The following INHBA variants were observed in gnomAD, a reference collection of about 807,000 sequenced individuals.
The protein encoded by INHBA is inhibin subunit beta A, also known as inhibin beta A chain.
Under a neutral mutation model 29.0 loss-of-function variants are expected in INHBA, and 1 was observed. The observed-to-expected ratio is 0.03, with a 90% CI of 0.01 to 0.16. INHBA has a LOEUF of 0.16. Ranked by LOEUF, INHBA falls within the 10% of genes least tolerant of loss-of-function variation. INHBA has a pLI of 1.00. For missense variants in INHBA, 376 were observed against 545.4 expected (o/e 0.69, Z 3.09); for synonymous variants, 242 against 216.8 (o/e 1.12, Z -1.02).
intron 2 of INHBA, among the ~76,000 whole-genome samples, chr7:41,696,243 T>G (rs1296622469): frequency 6.6e-6 from 1 of 152,224 alleles, no homozygotes; most frequent in Non-Finnish European, 1.5e-5. Context: ...AAGATGTTTT[T>G]GTTACGACCC....
intron 2 of INHBA, among the ~76,000 whole-genome samples, chr7:41,698,748 C>T (rs1158458190): frequency 6.6e-6 from 1 of 152,172 alleles, no homozygotes; most frequent in Non-Finnish European, 1.5e-5. Context: ...GGAAAGATGC[C>T]CTGGTCTTTC....
At position 41,700,284 on chromosome 7, in the gene INHBA, C is replaced by G. The variant is rs1283898685; in HGVS notation, c.91G>C (p.Ala31Pro). The G allele has an allele frequency of 9.4e-6, 15 of 1,594,068 alleles. No individual in the cohort carries two copies. Among genetic ancestry groups the G allele is most frequent in the Admixed American group, 1.7e-5 (1 of 58,968 alleles). Residue 31 changes from alanine to proline, a missense_variant, in exon 2 of 3, where the codon GCG (alanine) becomes CCG (proline). Around this residue, in one of 4 missense-constraint regions of INHBA, gnomAD observed 71 missense variants for 77.0 expected, o/e 0.92. Transcript: ENST00000242208. ...SPTPGSEGHSAAPDCPSCALA... is the reference protein window; with the variant it reads ...SPTPGSEGHSPAPDCPSCALA... ...GCACAGGACGGACAGTCGGGGGCCG[C>G]GCTGTGCCCCTCGGATCCTGGGGTG...
intron 2 of INHBA, 28 bp downstream of exon 2, chr7:41,699,959 C>G (rs761817524): frequency 6.5e-6 from 2 of 309,012 alleles, no homozygotes; most frequent in South Asian, 4.1e-5. Context: ...CCCACCCCTC[C>G]CCACCCCCTG....
chr7:41,699,070 C>T (rs184268409), intron 2 of INHBA, among the ~76,000 whole-genome samples: 173 of 152,290 alleles, frequency 1.1e-3, no homozygotes, highest in Non-Finnish European at 1.9e-3. Flanking sequence ...ATAAAAATAG[C>T]CTGGCTCCAA....
chr7:41,689,479 C>G lies in INHBA; in HGVS notation c.*171G>C. The G allele has an allele frequency of 1.7e-6, 1 of 599,564 alleles. No homozygotes were observed. Among genetic ancestry groups the G allele is most frequent in the Non-Finnish European group, 2.7e-6 (1 of 376,412 alleles). 37.1% of individuals were successfully genotyped at this position (599,564 alleles called of 1,614,324 possible). ...GGATTTTTTCCACATCTTCCTTCATCTGTTTCATCAGGTTTTGTTTTTAAT... is the reference window on the plus strand; with the variant it reads ...GGATTTTTTCCACATCTTCCTTCATGTGTTTCATCAGGTTTTGTTTTTAAT... On this transcript the variant is annotated 3_prime_UTR_variant, in exon 3 of 3. Coordinates refer to ENST00000242208, the MANE Select transcript of INHBA (RefSeq NM_002192.4).
intron 2 of INHBA, among the ~76,000 whole-genome samples, chr7:41,698,284 G>C (rs1459280893): frequency 3.9e-5 from 6 of 152,114 alleles, no homozygotes; most frequent in Non-Finnish European, 8.8e-5. Flanking sequence ...CGGTAGTGCG[G>C]TTAAAAGTGG....
chr7:41,694,853 C>G (rs1248616006), intron 2 of INHBA, among the ~76,000 whole-genome samples: 1 of 152,166 alleles, frequency 6.6e-6, no homozygotes, highest in East Asian at 1.9e-4. Flanking sequence ...TTGTACCTCA[C>G]AGGGAATACC....
chr7:41,685,319 A>T lies in INHBA; in HGVS notation c.*4331T>A, dbSNP rs75547295. 9.9e-5 allele frequency: 15 copies of T among 152,238 alleles called. No homozygotes were observed. The highest frequency in any genetic ancestry group is 8.5e-4 in the Admixed American group (13 of 15,288). The allele number at this position is 152,238 out of a possible 1,614,324, so 9.4% of individuals were successfully genotyped here. ...TTATCTCTTTAAACATATTGTAAAT[A>T]AAAAAATTACCAGTACTTCTACACA... On this transcript the variant is annotated 3_prime_UTR_variant, in exon 3 of 3. Transcript: ENST00000242208.
At chr7:41,697,550 G>T (rs1794675704) in intron 2 of INHBA, among the ~76,000 whole-genome samples, 2 of 152,174 alleles carry the variant, frequency 1.3e-5, no homozygotes, top group African/African-American at 4.8e-5. Context: ...AGAATCTTGA[G>T]GTTGAAAGGG....
chr7:41,690,394 C>A lies in INHBA; in HGVS notation c.537G>T (p.Gln179His), dbSNP rs761221455. The change falls in exon 3 of 3, where the codon CAG becomes CAT. Residue 179 changes from glutamine to histidine, a missense_variant. Physicochemically the swap from Gln to His is conservative, Grantham distance 24. This residue lies in a region of INHBA where 253 missense variants were observed against 313.4 expected (regional missense o/e 0.81). Transcript: ENST00000242208. ...TKVTIRLFQQ[Q>H]KHPQGSLDTG... ...TGTCCAAGCTGCCCTGCGGGTGCTTCTGCTGCTGGAAGAGGCGGATGGTGA... is the reference window on the plus strand; with the variant it reads ...TGTCCAAGCTGCCCTGCGGGTGCTTATGCTGCTGGAAGAGGCGGATGGTGA... 6.8e-6 allele frequency: 11 copies of A among 1,614,004 alleles called. No individual in the cohort carries two copies. The highest frequency in any genetic ancestry group is 9.3e-6 in the Non-Finnish European group (11 of 1,180,034).
At chr7:41,693,350 G>A (rs574487948) in intron 2 of INHBA, among the ~76,000 whole-genome samples, 1 of 152,196 alleles carries the variant, frequency 6.6e-6, no homozygotes, top group African/African-American at 2.4e-5. Flanking sequence ...GTGCTGACCC[G>A]CATGCAGTGG....
In INHBA at chr7:41,700,020, G is replaced by C. The variant is rs747778899; in HGVS notation, c.355C>G (p.Gln119Glu). The change falls in exon 2 of 3, where the codon CAG becomes GAG. Residue 119 changes from glutamine to glutamate, a missense_variant. Transcript: ENST00000242208. Reference protein sequence around the residue: ...RRAEMNELMEQTSEIITFAES... With the variant: ...RRAEMNELMEETSEIITFAES... ...GCAAACGTGATGATCTCCGAGGTCTGCTCCATAAGTTCATTCATTTCTGCC... is the reference window on the plus strand; with the variant it reads ...GCAAACGTGATGATCTCCGAGGTCTCCTCCATAAGTTCATTCATTTCTGCC... 6.3e-7 allele frequency: 1 copy of C among 1,599,612 alleles called. No homozygotes were observed. The highest frequency in any genetic ancestry group is 8.5e-7 in the Non-Finnish European group (1 of 1,178,166).
chr7:41,699,895 G>A, intron 2 of INHBA, 92 bp downstream of exon 2: 1 of 903,570 alleles, frequency 1.1e-6, no homozygotes, highest in Non-Finnish European at 1.7e-6. Context: ...CCAGCTGAAG[G>A]GAAAAGAAGT....
chr7:41,698,940 G>T (rs547267525), intron 2 of INHBA, among the ~76,000 whole-genome samples: 1 of 152,238 alleles, frequency 6.6e-6, no homozygotes, highest in African/African-American at 2.4e-5. Context: ...TTCAAATGGA[G>T]TTGGCAAAGG....
At position 41,700,105 on chromosome 7, in the gene INHBA, A is replaced by T. The variant is rs751150931; in HGVS notation, c.270T>A (p.Leu90=). ...KAALLNAIRK[L]HVGKVGENGY... ...CGTTCTCCCCGACTTTGCCCACATG[A>T]AGCTTTCTGATCGCGTTCAGAAGCG... The change falls in exon 2 of 3, where the codon CTT becomes CTA. Residue 90 remains leucine (L), a synonymous_variant. Transcript: ENST00000242208. The T allele has an allele frequency of 6.2e-7, 1 of 1,613,704 alleles. No homozygotes were observed. The highest frequency in any genetic ancestry group is 1.7e-5 in the Admixed American group (1 of 59,982).
At chr7:41,694,505 C>T (rs1794596547) in intron 2 of INHBA, among the ~76,000 whole-genome samples, 2 of 152,166 alleles carry the variant, frequency 1.3e-5, no homozygotes, top group Admixed American at 6.5e-5. Context: ...TGAATGTCTT[C>T]CCATAGTGCG....
At chr7:41,690,654 A>C (rs1794481561) in intron 2 of INHBA, 112 bp from the exon 3 acceptor site, 1 of 1,341,306 alleles carries the variant, frequency 7.5e-7, no homozygotes, top group African/African-American at 1.5e-5. Flanking sequence ...ACCCTCTTGA[A>C]TAGGGGTCAA....
At position 41,688,834 on chromosome 7, in the gene INHBA, A is replaced by G; in HGVS notation, c.*816T>C. 4.6e-6 allele frequency: 1 copy of G among 219,144 alleles called. No individual in the cohort carries two copies. The allele number at this position is 219,144 out of a possible 1,614,324, so 13.6% of individuals were successfully genotyped here. A position where few individuals can be genotyped will look rare whatever the true frequency, so the allele number is the denominator to read the frequency against. ...ATAAAAATTAATCAGATTACTTCCA[A>G]TACAAAAAAGTCTCTCTTTTTGTTC... is the stretch of plus-strand genomic sequence containing the variant. On this transcript the variant is annotated 3_prime_UTR_variant, in exon 3 of 3. Coordinates refer to ENST00000242208, the MANE Select transcript of INHBA (RefSeq NM_002192.4).
Position 41,690,247 on chromosome 7 carries a change from C to G in INHBA, c.684G>C (p.Gln228His). ...AGCTCTTGCCCTGGTCCAGCAACCGCTGGATGCTGCTGGAGACAGGGAAGA... is the reference window on the plus strand; with the variant it reads ...AGCTCTTGCCCTGGTCCAGCAACCGGTGGATGCTGCTGGAGACAGGGAAGA... ...WHVFPVSSSI[Q>H]RLLDQGKSSL... Residue 228 changes from glutamine to histidine, a missense_variant, in exon 3 of 3, where the codon CAG (glutamine) becomes CAC (histidine). This residue lies in a region of INHBA where 253 missense variants were observed against 313.4 expected (regional missense o/e 0.81). Coordinates refer to ENST00000242208, the MANE Select transcript of INHBA (RefSeq NM_002192.4). The G allele has an allele frequency of 1.9e-5, 30 of 1,614,064 alleles. No homozygotes were observed. Among genetic ancestry groups the G allele is most frequent in the Non-Finnish European group, 2.5e-5 (30 of 1,180,016 alleles).
Sources: gnomAD v4.1 joint callset for allele counts (sites outside exome capture counted in the v4.1 genomes callset) on GRCh38, gnomAD v4.1.1 for gene constraint, gnomAD v4.1.1 regional missense constraint, MANE v1.5 for transcripts, NCBI Gene and HGNC (gene_info 2026-07-23, HGNC 2026-07-21) for gene names.